Variants in NCKAP1 observed in about 807,000 individuals in gnomAD.
NCKAP1 encodes nck-associated protein 1.
In NCKAP1, 21 loss-of-function variants were observed where a neutral mutation model predicts 151.2. The ratio of observed to expected loss-of-function variants is 0.14; its 90% confidence interval spans 0.10 to 0.20. The LOEUF (loss-of-function observed/expected upper bound fraction) is 0.20, where lower values mean the gene tolerates loss of function less well. Among genes scored for constraint, NCKAP1 ranks in the 10% least tolerant of loss-of-function variants. The probability of loss-of-function intolerance (pLI) is 1.00; values close to 1 mark genes in which losing one functional copy is unlikely to be tolerated. For missense variants in NCKAP1, 933 were observed against 1,352.1 expected (o/e 0.69, Z 4.86); for synonymous variants, 484 against 451.8 (o/e 1.07, Z -0.90).
chr2:182,913,756 G>A lies in NCKAP1; in HGVS notation c.*11946C>T, dbSNP rs998211091. On this transcript the variant is annotated 3_prime_UTR_variant, in exon 31 of 31. Coordinates refer to ENST00000361354, the MANE Select transcript of NCKAP1 (RefSeq NM_013436.5). ...AGTCAAATTAATTAAAATGAAAAAA[G>A]AGTCTACTTCCTAATTCTCATCCTC... 2.0e-5 allele frequency: 3 copies of A among 152,140 alleles called. No homozygotes were observed. The highest frequency in any genetic ancestry group is 7.2e-5 in the African/African-American group (3 of 41,424). 9.4% of individuals were successfully genotyped at this position (152,140 alleles called of 1,614,324 possible).
At chr2:182,975,325 G>A (rs1005313829) in intron 15 of NCKAP1, among the ~76,000 whole-genome samples, 3 of 152,032 alleles carry the variant, frequency 2.0e-5, no homozygotes, top group Admixed American at 6.6e-5. Flanking sequence ...CCACTAACTG[G>A]TAAGGTATTT....
At chr2:182,951,576 G>A (rs1332113047) in intron 23 of NCKAP1, among the ~76,000 whole-genome samples, 1 of 141,890 alleles carries the variant, frequency 7.0e-6, no homozygotes, top group African/African-American at 2.5e-5. Flanking sequence ...GGTGGAAGTT[G>A]CAGTGAGTTG....
intron 1 of NCKAP1, chr2:183,025,066 T>TTTCTTCTGAAACGTATA: frequency 6.8e-7 from 1 of 1,475,314 alleles, no homozygotes; most frequent in Non-Finnish European, 9.4e-7. Flanking sequence ...TGATATACGT[T>TTTCTTCTGAAACGTATA]TCAGAAGAAA....
chr2:183,013,002 C>T (rs1035176942), intron 2 of NCKAP1, among the ~76,000 whole-genome samples: 25 of 151,986 alleles, frequency 1.6e-4, no homozygotes, highest in Non-Finnish European at 3.5e-4. Flanking sequence ...TCTTTCATAA[C>T]TGTCTGATAA....
chr2:182,939,651 T>C (rs772357468), intron 24 of NCKAP1, among the ~76,000 whole-genome samples: 2 of 152,276 alleles, frequency 1.3e-5, no homozygotes, highest in Non-Finnish European at 2.9e-5. Context: ...AAGAATGTGC[T>C]TGTTGACTGT....
chr2:182,946,845 T>C (rs1318079581), intron 23 of NCKAP1, among the ~76,000 whole-genome samples: 12 of 151,118 alleles, frequency 7.9e-5, no homozygotes, highest in Non-Finnish European at 1.8e-4. Context: ...AGGTGAGAAA[T>C]TTGATTAGCA....
At chr2:182,939,999 C>A (rs1410950283) in intron 24 of NCKAP1, among the ~76,000 whole-genome samples, 4 of 152,140 alleles carry the variant, frequency 2.6e-5, no homozygotes, top group Admixed American at 2.6e-4. Flanking sequence ...TAAGCAGAAT[C>A]TTGACAAACG....
chr2:182,971,604 T>C (rs1391685826), intron 15 of NCKAP1, among the ~76,000 whole-genome samples: 1 of 150,432 alleles, frequency 6.6e-6, no homozygotes, highest in Non-Finnish European at 1.5e-5. Context: ...AAATCAATCC[T>C]GAAAAGTACA....
At chr2:182,986,005 A>G (rs2105858460) in intron 10 of NCKAP1, among the ~76,000 whole-genome samples, 166 bp downstream of exon 10, 1 of 152,216 alleles carries the variant, frequency 6.6e-6, no homozygotes, top group African/African-American at 2.4e-5. Flanking sequence ...ACTAATTCCA[A>G]GGTTCTACAT....
intron 6 of NCKAP1, among the ~76,000 whole-genome samples, chr2:182,996,986 A>G (rs1423088590): frequency 2.0e-5 from 3 of 152,140 alleles, no homozygotes; most frequent in Non-Finnish European, 4.4e-5. Flanking sequence ...GGAGGTTGTT[A>G]TGTTATGGGA....
chr2:183,022,177 C>T (rs1698809123), intron 2 of NCKAP1, among the ~76,000 whole-genome samples: 2 of 152,130 alleles, frequency 1.3e-5, no homozygotes, highest in South Asian at 2.1e-4. Flanking sequence ...AGGAACGATG[C>T]ATATTCTCAC....
At chr2:183,002,945 T>G in intron 4 of NCKAP1, 29 bp downstream of exon 4, 1 of 1,566,820 alleles carries the variant, frequency 6.4e-7, no homozygotes. Flanking sequence ...AACAGAATAA[T>G]TGGACATTTT....
intron 2 of NCKAP1, among the ~76,000 whole-genome samples, chr2:183,020,056 T>A (rs533098997): frequency 6.6e-6 from 1 of 151,728 alleles, no homozygotes; most frequent in Non-Finnish European, 1.5e-5. Flanking sequence ...AGGGCAGTTA[T>A]TAAAAAAAAC....
chr2:183,020,130 C>A (rs1299013351), intron 2 of NCKAP1, among the ~76,000 whole-genome samples: 2 of 151,812 alleles, frequency 1.3e-5, no homozygotes, highest in East Asian at 3.9e-4. Context: ...AAGATAAGGG[C>A]AGAATTTTGC....
At position 182,995,454 on chromosome 2, in the gene NCKAP1, A is replaced by G. The variant is rs180943843; in HGVS notation, c.741+247T>C. On this transcript the variant is annotated intron_variant, in intron 7 of 30. Transcript: ENST00000361354. ...TCAAATTTTTCTACCATGATAAAGC[A>G]AAACAAACTTTTAAACTTTAAAGAA... 2.1e-3 allele frequency among the ~76,000 whole-genome samples: 327 copies of G among 152,298 alleles called. 2 individuals are homozygous for G. The highest frequency in any genetic ancestry group is 7.6e-3 in the African/African-American group (314 of 41,562).
intron 27 of NCKAP1, among the ~76,000 whole-genome samples, chr2:182,930,156 T>C (rs1467467191): frequency 6.6e-5 from 10 of 152,002 alleles, no homozygotes; most frequent in African/African-American, 2.4e-4. Context: ...TAGAACTCTT[T>C]GAGTTGTCTT....
intron 20 of NCKAP1, among the ~76,000 whole-genome samples, chr2:182,955,022 G>A (rs573487347): frequency 1.3e-5 from 2 of 152,130 alleles, no homozygotes; most frequent in East Asian, 3.9e-4. Flanking sequence ...AACACCACAA[G>A]GCACAATGCC....
intron 23 of NCKAP1, among the ~76,000 whole-genome samples, chr2:182,947,601 G>GAT (rs934648841): frequency 3.0e-4 from 45 of 152,018 alleles, no homozygotes; most frequent in Admixed American, 3.3e-4. Context: ...ATTTTATAGA[G>GAT]ATATATATAT....
chr2:183,025,013 TA>T (rs1243644395), intron 1 of NCKAP1: 7 of 1,610,300 alleles, frequency 4.3e-6, no homozygotes, highest in African/African-American at 1.3e-5. Flanking sequence ...AGCATTGTAA[TA>T]AAAAGAGAGA....
Sources: gnomAD v4.1 joint callset for allele counts (sites outside exome capture counted in the v4.1 genomes callset) on GRCh38, gnomAD v4.1.1 for gene constraint, MANE v1.5 for transcripts, NCBI Gene and HGNC (gene_info 2026-07-23, HGNC 2026-07-21) for gene names.